HTR2C: variants seen among roughly 807,000 people sequenced by gnomAD.
HTR2C encodes 5-hydroxytryptamine receptor 2C.
Under a neutral mutation model 21.0 loss-of-function variants are expected in HTR2C, and 5 were observed. The observed-to-expected ratio is 0.24, with a 90% CI of 0.12 to 0.50. The LOEUF is 0.50. HTR2C is among the 20% of genes least tolerant of loss of function. The pLI is 0.98. For missense variants in HTR2C, 271 were observed against 371.2 expected (o/e 0.73, Z 2.22); for synonymous variants, 150 against 145.3 (o/e 1.03, Z -0.23).
At chrX:114,662,045 C>T (rs1216550178) in intron 2 of HTR2C, among the ~76,000 whole-genome samples, 1 of 111,536 alleles carries the variant, frequency 9.0e-6, no homozygotes, top group African/African-American at 3.3e-5. Flanking sequence ...TGATTGCTCT[C>T]TATTGGCAAT....
At chrX:114,693,213 A>C (rs1424433751) in intron 2 of HTR2C, among the ~76,000 whole-genome samples, 2 of 111,591 alleles carry the variant, frequency 1.8e-5, no homozygotes, top group Non-Finnish European at 3.8e-5. Flanking sequence ...GAAGGGATAG[A>C]GAAAGGAAAA....
chrX:114,702,285 A>C (rs1237610160), intron 2 of HTR2C, among the ~76,000 whole-genome samples: 4 of 109,753 alleles, frequency 3.6e-5, no homozygotes, highest in Non-Finnish European at 7.6e-5. Flanking sequence ...GAAATGAAGG[A>C]AAAAATGTTA....
chrX:114,903,873 G>A (rs1458882109), intron 5 of HTR2C, among the ~76,000 whole-genome samples: 1 of 112,170 alleles, frequency 8.9e-6, no homozygotes, highest in Non-Finnish European at 1.9e-5. Context: ...GCCCCACGCT[G>A]TAGTATCTAA....
At chrX:114,634,276 A>G (rs1212255637) in intron 2 of HTR2C, among the ~76,000 whole-genome samples, 3 of 110,343 alleles carry the variant, frequency 2.7e-5, no homozygotes, top group Non-Finnish European at 3.8e-5. Context: ...AACAAGGCTA[A>G]TTTTTTTACT....
chrX:114,882,751 T>A (rs781935238), intron 5 of HTR2C, among the ~76,000 whole-genome samples: 121 of 110,118 alleles, frequency 1.1e-3, no homozygotes, highest in African/African-American at 3.7e-3. Context: ...CTGGTTGGTG[T>A]TTTTGTGTCC....
chrX:114,764,919 C>CT (rs2069927871), intron 4 of HTR2C, among the ~76,000 whole-genome samples: 1 of 46,388 alleles, frequency 2.2e-5, no homozygotes, highest in East Asian at 1.1e-3. Context: ...TTCTTTCTTT[C>CT]TTTCTTTTCC....
chrX:114,764,481 A>C (rs1436764773), intron 4 of HTR2C, among the ~76,000 whole-genome samples: 1 of 111,751 alleles, frequency 8.9e-6, no homozygotes, highest in Non-Finnish European at 1.9e-5. Flanking sequence ...AAATGCACAA[A>C]ATAAATAAAT....
chrX:114,828,936 A>C (rs934675897), intron 4 of HTR2C, among the ~76,000 whole-genome samples: 7 of 112,121 alleles, frequency 6.2e-5, no homozygotes, highest in Non-Finnish European at 1.3e-4. Context: ...ATAATACTCC[A>C]TTATCTGAAT....
At chrX:114,755,849 C>T (rs1023164478) in intron 4 of HTR2C, among the ~76,000 whole-genome samples, 5 of 111,313 alleles carry the variant, frequency 4.5e-5, no homozygotes, top group African/African-American at 1.6e-4. Context: ...CAAATTTAAA[C>T]CACAATGAAG....
chrX:114,776,606 T>C, intron 4 of HTR2C: 3 of 520,174 alleles, frequency 5.8e-6, no homozygotes, highest in Non-Finnish European at 1.1e-5. Context: ...TGCAGCTTGA[T>C]TCTTTGCGGC....
chrX:114,800,314 A>G (rs1296516474), intron 4 of HTR2C, among the ~76,000 whole-genome samples: 1 of 111,752 alleles, frequency 8.9e-6, no homozygotes, highest in Non-Finnish European at 1.9e-5. Flanking sequence ...TTTTGAAGCT[A>G]TAACAGAAAT....
At chrX:114,748,901 A>T (rs1417417859) in intron 4 of HTR2C, among the ~76,000 whole-genome samples, 10 of 111,804 alleles carry the variant, frequency 8.9e-5, no homozygotes, top group African/African-American at 2.6e-4. Context: ...CAAAATTAAA[A>T]GCTTTTGCTC....
rs191185158 is a variant in HTR2C at position 114,702,595 on chromosome X, G to A, written c.-79-24263G>A. Among the ~76,000 whole-genome samples the A allele has an allele frequency of 1.9e-4, 21 of 111,186 alleles. No individual in the cohort carries two copies. In the East Asian group the frequency reaches 4.6e-3, roughly 24 times the overall value. ...TGGAAAGGAACAACCGGTACCAGCCGCTGCAAAATCATGCCAAATTCTAAA... is the reference window on the plus strand; with the variant it reads ...TGGAAAGGAACAACCGGTACCAGCCACTGCAAAATCATGCCAAATTCTAAA... On this transcript the variant is annotated intron_variant, in intron 2 of 5. Coordinates refer to ENST00000276198, the MANE Select transcript of HTR2C (RefSeq NM_000868.4).
At chrX:114,811,306 T>C (rs2070528745) in intron 4 of HTR2C, among the ~76,000 whole-genome samples, 1 of 111,945 alleles carries the variant, frequency 8.9e-6, no homozygotes, top group Non-Finnish European at 1.9e-5. Context: ...TTTTTTTTTT[T>C]TCATGGTTTC....
At chrX:114,606,647 T>C (rs936961117) in intron 1 of HTR2C, among the ~76,000 whole-genome samples, 5 of 111,686 alleles carry the variant, frequency 4.5e-5, no homozygotes, top group Admixed American at 9.4e-5. Flanking sequence ...GCCGTTTACC[T>C]GATTTAAAAT....
Position 114,588,667 on chromosome X carries a change from G to A in HTR2C, c.-147+4008G>A, listed in dbSNP as rs187114593. Among the ~76,000 whole-genome samples the A allele has an allele frequency of 4.7e-3, 527 of 111,652 alleles. 1 individual carries two copies. The highest frequency in any genetic ancestry group is 7.0e-3 in the Non-Finnish European group (371 of 53,038). ...TTTAAACTAATCAGTAAACGCTTAC[G>A]AATAAATGTCAGTGTTCAAATCTTT... On this transcript the variant is annotated intron_variant, in intron 1 of 5. Transcript: ENST00000276198.
At chrX:114,692,319 C>T (rs1932130361) in intron 2 of HTR2C, among the ~76,000 whole-genome samples, 1 of 111,765 alleles carries the variant, frequency 8.9e-6, no homozygotes. Flanking sequence ...TAATATAAGA[C>T]AATTAGTGAG....
rs1279845710 is a variant in HTR2C at position 114,684,006 on chromosome X, GA to G, written c.-79-42844del. Among the ~76,000 whole-genome samples, 226 of 109,804 alleles carry G rather than the reference GA, an allele frequency of 2.1e-3. 3 individuals carry two copies. Among genetic ancestry groups the G allele is most frequent in the African/African-American group, 7.1e-3 (216 of 30,298 alleles). ...ATTGCTAAGGCACATATCTTTCCCT[GA>G]AAAAAAATGACCCTTGCCAGCAGTG... On this transcript the variant is annotated intron_variant, in intron 2 of 5. Coordinates refer to ENST00000276198, the MANE Select transcript of HTR2C (RefSeq NM_000868.4).
intron 1 of HTR2C, among the ~76,000 whole-genome samples, chrX:114,597,468 T>C (rs1927910933): frequency 9.0e-6 from 1 of 111,068 alleles, no homozygotes; most frequent in Non-Finnish European, 1.9e-5. Context: ...GTGTACCACA[T>C]AAAAATGAAG....
Sources: allele counts gnomAD v4.1 joint callset (sites outside exome capture counted in the v4.1 genomes callset), GRCh38; gene constraint gnomAD v4.1.1; transcripts MANE v1.5; gene names NCBI Gene and HGNC (gene_info 2026-07-23, HGNC 2026-07-21).